Variants in VRK1 observed in about 807,000 individuals in gnomAD.
VRK1 encodes serine/threonine-protein kinase VRK1.
Under a neutral mutation model 57.1 loss-of-function variants are expected in VRK1, and 33 were observed. That is an observed-to-expected ratio of 0.58 (90% CI 0.44 to 0.77). VRK1 has a LOEUF of 0.77. VRK1 is among the 30% of genes least tolerant of loss of function. The pLI is 0.00. For missense variants in VRK1, 413 were observed against 477.3 expected (o/e 0.87, Z 1.25); for synonymous variants, 137 against 147.8 (o/e 0.93, Z 0.53).
chr14:96,874,112 T>C (rs1339748868), intron 11 of VRK1, among the ~76,000 whole-genome samples: 2 of 152,224 alleles, frequency 1.3e-5, no homozygotes, highest in African/African-American at 4.8e-5. Context: ...GATGAGCATT[T>C]AAAAATCTGC....
chr14:96,864,697 C>G (rs1341555975), intron 11 of VRK1, among the ~76,000 whole-genome samples: 1 of 152,166 alleles, frequency 6.6e-6, no homozygotes, highest in African/African-American at 2.4e-5. Flanking sequence ...AAGCTGCTCT[C>G]TCAGCTTACA....
chr14:96,875,563 T>C (rs1169414889), intron 11 of VRK1, among the ~76,000 whole-genome samples: 1 of 152,216 alleles, frequency 6.6e-6, no homozygotes, highest in African/African-American at 2.4e-5. Flanking sequence ...CAAACACTGA[T>C]TTAATAAATG....
chr14:96,856,425 A>T, intron 9 of VRK1, 103 bp from the exon 10 acceptor site: 1 of 1,348,000 alleles, frequency 7.4e-7, no homozygotes, highest in Non-Finnish European at 1.0e-6. Flanking sequence ...GTCTGTAAGC[A>T]TATTTAGGAT....
At chr14:96,828,893 T>A (rs1395543287) in intron 1 of VRK1, among the ~76,000 whole-genome samples, 1 of 152,154 alleles carries the variant, frequency 6.6e-6, no homozygotes, top group East Asian at 1.9e-4. Flanking sequence ...CACCTGAGAT[T>A]ATAGGGGCCA....
intron 10 of VRK1, among the ~76,000 whole-genome samples, chr14:96,856,863 A>G (rs574516658): frequency 2.0e-5 from 3 of 152,096 alleles, no homozygotes; most frequent in South Asian, 4.1e-4. Flanking sequence ...AGCTACTTGG[A>G]AGGCTGAGGC....
chr14:96,854,212 AG>A (rs1210087888), intron 7 of VRK1, among the ~76,000 whole-genome samples: 1 of 152,188 alleles, frequency 6.6e-6, no homozygotes, highest in East Asian at 1.9e-4. Context: ...CTAAGAACAA[AG>A]AAAACGCAGC....
intron 1 of VRK1, among the ~76,000 whole-genome samples, chr14:96,827,470 C>G (rs927189283): frequency 6.6e-6 from 1 of 151,664 alleles, no homozygotes. Context: ...TCATTAGCAC[C>G]CTGGTAGGCA....
intron 1 of VRK1, among the ~76,000 whole-genome samples, chr14:96,799,220 T>C (rs535430061): frequency 6.6e-6 from 1 of 152,352 alleles, no homozygotes; most frequent in African/African-American, 2.4e-5. Flanking sequence ...GGAAAGCTTA[T>C]GCTAAGTTTT....
At chr14:96,799,919 G>A (rs994522474) in intron 1 of VRK1, among the ~76,000 whole-genome samples, 7 of 148,276 alleles carry the variant, frequency 4.7e-5, no homozygotes, top group Admixed American at 4.0e-4. Context: ...GCTGAAGCAA[G>A]TTTTCTTTGT....
chr14:96,809,807 A>C (rs1437221160), intron 1 of VRK1, among the ~76,000 whole-genome samples: 1 of 152,090 alleles, frequency 6.6e-6, no homozygotes, highest in Non-Finnish European at 1.5e-5. Flanking sequence ...TCCTGACCTC[A>C]AGTGATCTGC....
At chr14:96,798,795 A>G (rs1338314121) in intron 1 of VRK1, among the ~76,000 whole-genome samples, 1 of 152,184 alleles carries the variant, frequency 6.6e-6, no homozygotes, top group African/African-American at 2.4e-5. Flanking sequence ...GGTTACGTTT[A>G]TGTTCTTCAA....
intron 3 of VRK1, among the ~76,000 whole-genome samples, chr14:96,841,968 C>T (rs1489467409): frequency 3.3e-5 from 5 of 152,148 alleles, no homozygotes; most frequent in Non-Finnish European, 7.3e-5. Flanking sequence ...ACACCTACAG[C>T]ACTCATTGTA....
chr14:96,847,726 G>A (rs1483162076), intron 5 of VRK1, among the ~76,000 whole-genome samples: 1 of 152,122 alleles, frequency 6.6e-6, no homozygotes, highest in Non-Finnish European at 1.5e-5. Context: ...GATTCCATTT[G>A]GTATTTCTGC....
rs536858859 is a variant in VRK1 at position 96,800,972 on chromosome 14, T to C, written c.-6+3525T>C. On this transcript the variant is annotated intron_variant, in intron 1 of 12. Coordinates refer to ENST00000216639, the MANE Select transcript of VRK1 (RefSeq NM_003384.3). ...GACACGTGTCTTGTGGAGCTCAGTA[T>C]CAGGAACAATATAGTTGGTCCTGCA... 5.3e-5 allele frequency among the ~76,000 whole-genome samples: 8 copies of C among 152,260 alleles called. No individual in the cohort carries two copies. The South Asian group carries it at 1.7e-3, about 32-fold the overall frequency.
intron 10 of VRK1, chr14:96,858,971 C>T (rs928116883): frequency 1.3e-5 from 2 of 152,182 alleles, no homozygotes; most frequent in African/African-American, 4.8e-5. Flanking sequence ...ACTCTGTAGA[C>T]CAATTTGGGG....
At chr14:96,877,390 C>A in intron 12 of VRK1, 2 of 702,414 alleles carry the variant, frequency 2.8e-6, no homozygotes, top group South Asian at 1.5e-5. Flanking sequence ...TATATAACTT[C>A]ACACTGAAGG....
rs1887735183 is a variant in VRK1 at position 96,847,169 on chromosome 14, A to T, written c.287-88A>T. On this transcript the variant is annotated intron_variant, in intron 4 of 12. Transcript: ENST00000216639. ...ATACAGGTGAATTCTTATTGCATGT[A>T]TAAATACATTTTGCTCTTAATGATT... 58 of 1,011,598 alleles carry T rather than the reference A, an allele frequency of 5.7e-5. 1 individual carries two copies. The South Asian group carries it at 7.9e-4, about 14-fold the overall frequency. 62.7% of individuals were successfully genotyped at this position (1,011,598 alleles called of 1,614,324 possible).
intron 11 of VRK1, among the ~76,000 whole-genome samples, chr14:96,868,578 A>G (rs1487590016): frequency 2.6e-5 from 4 of 152,142 alleles, no homozygotes; most frequent in Non-Finnish European, 5.9e-5. Context: ...TGATGCACAC[A>G]TACTATTTTT....
chr14:96,847,303 T>G lies in VRK1; in HGVS notation c.333T>G (p.Pro111=). 1 of 1,613,816 alleles carries G rather than the reference T, an allele frequency of 6.2e-7. No homozygotes were observed. The highest frequency in any genetic ancestry group is 8.5e-7 in the Non-Finnish European group (1 of 1,179,768). ...GTAAGCTGAAGTACCTGGGTGTTCCTAAGTATTGGGGGTCTGGTCTACATG... is the reference window on the plus strand; with the variant it reads ...GTAAGCTGAAGTACCTGGGTGTTCCGAAGTATTGGGGGTCTGGTCTACATG... ...RTRKLKYLGV[P]KYWGSGLHDK... is the part of the protein sequence containing the mutation. The change falls in exon 5 of 13, where the codon CCT becomes CCG. Residue 111 remains proline (P), a synonymous_variant. Transcript: ENST00000216639.
Sources: allele counts gnomAD v4.1 joint callset (sites outside exome capture counted in the v4.1 genomes callset), GRCh38; gene constraint gnomAD v4.1.1; transcripts MANE v1.5; gene names NCBI Gene and HGNC (gene_info 2026-07-23, HGNC 2026-07-21).